The following PIBF1 variants were observed in gnomAD, a reference collection of about 807,000 sequenced individuals.
The protein encoded by PIBF1 is progesterone immunomodulatory binding factor 1.
A neutral mutation model predicts 112.5 loss-of-function variants in PIBF1; 90 were observed. The observed-to-expected ratio is 0.80, with a 90% CI of 0.67 to 0.95. PIBF1 has a LOEUF of 0.95. PIBF1 is among the 40% of genes least tolerant of loss of function. PIBF1 has a pLI of 0.00. For synonymous variants in PIBF1, 301 were observed against 288.6 expected, an observed-to-expected ratio of 1.04 and a Z score of -0.44; for missense variants, 915 against 852.3, an observed-to-expected ratio of 1.07 and a Z score of -0.92.
At chr13:72,986,971 G>A (rs927826186) in intron 16 of PIBF1, among the ~76,000 whole-genome samples, 9 of 152,074 alleles carry the variant, frequency 5.9e-5, no homozygotes, top group Admixed American at 6.6e-5. Flanking sequence ...GATTACAGGC[G>A]TGAGCCACCG....
intron 10 of PIBF1, among the ~76,000 whole-genome samples, chr13:72,854,876 G>A (rs561922331): frequency 8.1e-4 from 122 of 151,522 alleles, no homozygotes; most frequent in African/African-American, 2.9e-3. Flanking sequence ...GAGGATATCA[G>A]AGAGAATGAT....
intron 6 of PIBF1, among the ~76,000 whole-genome samples, chr13:72,826,629 T>C (rs983202264): frequency 4.6e-5 from 5 of 108,446 alleles, no homozygotes; most frequent in African/African-American, 1.6e-4. Flanking sequence ...ATAAGTTGTA[T>C]TTTTTTTTTT....
chr13:72,882,553 T>C (rs1566400855), intron 10 of PIBF1, among the ~76,000 whole-genome samples: 2 of 152,140 alleles, frequency 1.3e-5, no homozygotes, highest in Non-Finnish European at 2.9e-5. Context: ...AAGGAATTAA[T>C]AACCAGAATA....
chr13:72,901,967 A>G (rs538679926), intron 11 of PIBF1, among the ~76,000 whole-genome samples: 3 of 140,642 alleles, frequency 2.1e-5, no homozygotes, highest in Admixed American at 7.3e-5. Context: ...CCAAATGCCT[A>G]TCAATCGAAT....
At chr13:72,876,503 A>C (rs1320449075) in intron 10 of PIBF1, among the ~76,000 whole-genome samples, 1 of 152,118 alleles carries the variant, frequency 6.6e-6, no homozygotes, top group Non-Finnish European at 1.5e-5. Flanking sequence ...GATTACGTTG[A>C]ATCTATAAAT....
rs148137991 is a variant in PIBF1, at chr13:72,795,392, A to G, written c.387A>G (p.Glu129=). ...AAGAATTAATGAAACAAGAAATGGA[A>G]ACCATTTTGTTGAGACAGAAACAAC... ...KYQELMKQEM[E]TILLRQKQLE... The change falls in exon 4 of 18, where the codon GAA becomes GAG. Residue 129 remains glutamate (E), a synonymous_variant. Transcript: ENST00000326291. 7.1e-5 allele frequency: 113 copies of G among 1,599,408 alleles called. No homozygotes were observed. In the African/African-American group the frequency reaches 1.4e-3, roughly 19 times the overall value.
At chr13:72,903,384 G>GT (rs971505435) in intron 11 of PIBF1, among the ~76,000 whole-genome samples, 2 of 152,214 alleles carry the variant, frequency 1.3e-5, no homozygotes, top group African/African-American at 4.8e-5. Context: ...CTATTAGGCA[G>GT]TAAGCACTGT....
At chr13:72,927,863 A>G (rs1489356132) in intron 13 of PIBF1, among the ~76,000 whole-genome samples, 1 of 147,862 alleles carries the variant, frequency 6.8e-6, no homozygotes, top group Admixed American at 6.8e-5. Flanking sequence ...TTTTCTGTGT[A>G]TGTGTGTTTG....
At chr13:72,979,835 T>C (rs2043112308) in intron 16 of PIBF1, among the ~76,000 whole-genome samples, 1 of 152,004 alleles carries the variant, frequency 6.6e-6, no homozygotes, top group Non-Finnish European at 1.5e-5. Context: ...GGCAGGAGAA[T>C]GGCATGAACC....
chr13:72,928,543 G>A (rs968241452), intron 13 of PIBF1, among the ~76,000 whole-genome samples: 2 of 152,216 alleles, frequency 1.3e-5, no homozygotes, highest in African/African-American at 2.4e-5. Context: ...AGGTTCAAGC[G>A]ATTCTCCTGC....
chr13:72,809,589 GTT>G (rs34696804), intron 5 of PIBF1, among the ~76,000 whole-genome samples: 54 of 100,880 alleles, frequency 5.4e-4, no homozygotes, highest in African/African-American at 1.5e-3. Flanking sequence ...TTTTTTTTTG[GTT>G]TTTTTTTTTT....
At chr13:72,921,642 CT>C (rs1316358848) in intron 13 of PIBF1, among the ~76,000 whole-genome samples, 1 of 152,024 alleles carries the variant, frequency 6.6e-6, no homozygotes, top group Non-Finnish European at 1.5e-5. Flanking sequence ...ATTTTTAGTA[CT>C]TCCATTTTTG....
At chr13:72,855,627 C>T (rs569391550) in intron 10 of PIBF1, among the ~76,000 whole-genome samples, 4 of 151,686 alleles carry the variant, frequency 2.6e-5, no homozygotes, top group East Asian at 1.9e-4. Context: ...CCAGCCTGGG[C>T]GACAGAGTGA....
intron 5 of PIBF1, among the ~76,000 whole-genome samples, chr13:72,814,569 TGAG>T (rs1243012542): frequency 1.3e-5 from 2 of 151,610 alleles, no homozygotes; most frequent in Non-Finnish European, 2.9e-5. Context: ...AGATTAAAGA[TGAG>T]GAGGAATAAA....
intron 17 of PIBF1, among the ~76,000 whole-genome samples, chr13:72,999,345 A>C (rs761627697): frequency 6.6e-6 from 1 of 152,142 alleles, no homozygotes; most frequent in Non-Finnish European, 1.5e-5. Flanking sequence ...TTATGTGCCA[A>C]TTTTTAAAAA....
rs140941325 is a variant in PIBF1, at chr13:72,911,722, A to G, written c.1639+3041A>G. The stretch of plus-strand genomic sequence containing the variant: ...AAATAACCACAATTTTATATCTGAC[A>G]AAAGAATGATACCCAAAATAAGAAA... On this transcript the variant is annotated intron_variant, in intron 12 of 17. Coordinates refer to ENST00000326291, the MANE Select transcript of PIBF1 (RefSeq NM_006346.4). Among the ~76,000 whole-genome samples, 63 of 152,346 alleles carry G rather than the reference A, an allele frequency of 4.1e-4. No individual in the cohort carries two copies. The East Asian group carries it at 9.8e-3, about 24-fold the overall frequency.
At chr13:72,901,159 C>A in intron 11 of PIBF1, 1 of 360,082 alleles carries the variant, frequency 2.8e-6, no homozygotes, top group Non-Finnish European at 5.5e-6. Flanking sequence ...TCTTCACAAT[C>A]TATATATCTG....
At chr13:72,895,365 A>G (rs1295478469) in intron 11 of PIBF1, among the ~76,000 whole-genome samples, 2 of 150,376 alleles carry the variant, frequency 1.3e-5, no homozygotes. Context: ...ATAGAAACTG[A>G]AAAACAGTAT....
At chr13:72,921,920 T>TA (rs1286684377) in intron 13 of PIBF1, among the ~76,000 whole-genome samples, 2 of 152,228 alleles carry the variant, frequency 1.3e-5, no homozygotes, top group Non-Finnish European at 2.9e-5. Context: ...GATATTGTTT[T>TA]AAAATTATAC....
Sources: gnomAD v4.1 joint callset for allele counts (sites outside exome capture counted in the v4.1 genomes callset) on GRCh38, gnomAD v4.1.1 for gene constraint, MANE v1.5 for transcripts, NCBI Gene and HGNC (gene_info 2026-07-23, HGNC 2026-07-21) for gene names.